The following ZNF610 variants were observed in gnomAD, a reference collection of about 807,000 sequenced individuals.
ZNF610 encodes zink finger protein.
ZNF610 carries 14 observed loss-of-function variants against 14.1 expected under a neutral mutation model. That is an observed-to-expected ratio of 0.99 (90% confidence interval 0.65 to 1.55). ZNF610 has a LOEUF of 1.55. Ranked by LOEUF, ZNF610 falls within the 40% of genes most tolerant of loss-of-function variation. ZNF610 has a pLI of 0.00. For synonymous variants in ZNF610, 185 were observed against 187.6 expected (o/e 0.99, Z 0.11); for missense variants, 530 against 558.0 (o/e 0.95, Z 0.51).
chr19:52,349,349 C>T (rs757404438), intron 3 of ZNF610, 114 bp downstream of exon 3: 6 of 1,372,348 alleles, frequency 4.4e-6, no homozygotes, highest in Non-Finnish European at 6.2e-6. Flanking sequence ...TCCCTTTCAT[C>T]TCGCTTAGAT....
intron 1 of ZNF610, among the ~76,000 whole-genome samples, chr19:52,340,508 G>T (rs1984635913): frequency 2.0e-5 from 3 of 152,106 alleles, no homozygotes; most frequent in Admixed American, 2.0e-4. Context: ...TGGCCCACCA[G>T]TCTCAGGGCC....
Position 52,366,699 on chromosome 19 carries a change from C to A in ZNF610, c.1321C>A (p.Pro441Thr). The A allele has an allele frequency of 6.2e-7, 1 of 1,614,224 alleles. No homozygotes were observed. The highest frequency in any genetic ancestry group is 1.3e-5 in the African/African-American group (1 of 75,062). ...NACGKVFNQN[P>T]HLSRHRKIHA... ...ATGTGGCAAGGTCTTCAATCAAAAT[C>A]CACACCTTTCACGACATCGGAAAAT... Residue 441 changes from proline (P) to threonine (T), a missense_variant, in exon 6 of 6, where the codon CCA becomes ACA. Physicochemically the swap from Pro to Thr is conservative, Grantham distance 38. Coordinates refer to ENST00000403906, the MANE Select transcript of ZNF610 (RefSeq NM_001161425.2).
chr19:52,334,936 A>AACACACACTCACACACACACACACAC (rs1984300625), upstream of ZNF610, among the ~76,000 whole-genome samples: 1 of 41,536 alleles, frequency 2.4e-5, no homozygotes, highest in African/African-American at 9.8e-5. Context: ...CTCAAAAACA[A>AACACACACTCACACACACACACACAC]ACACACACAC....
chr19:52,336,090 G>T (rs1219034414), upstream of ZNF610, among the ~76,000 whole-genome samples: 2 of 152,124 alleles, frequency 1.3e-5, no homozygotes, highest in African/African-American at 4.8e-5. Flanking sequence ...ACGTTGCTTT[G>T]CTCCGGCAGG....
At chr19:52,348,596 C>T (rs1985079820) in intron 2 of ZNF610, among the ~76,000 whole-genome samples, 2 of 152,124 alleles carry the variant, frequency 1.3e-5, no homozygotes, top group South Asian at 4.1e-4. Context: ...CAGTATTCCC[C>T]AAGCACGTGA....
intron 1 of ZNF610, among the ~76,000 whole-genome samples, chr19:52,344,321 C>T (rs1259905568): frequency 6.4e-5 from 2 of 31,210 alleles, no homozygotes; most frequent in Non-Finnish European, 1.6e-4. Context: ...ATTCTGTGAC[C>T]CCCCCATAGC....
the ZNF610 span, among the ~76,000 whole-genome samples, chr19:52,330,758 A>G: frequency 6.6e-6 from 1 of 152,138 alleles, no homozygotes; most frequent in Admixed American, 6.5e-5. Context: ...CTCAAAATCT[A>G]ACTTTTTCCT....
At chr19:52,364,626 G>A (rs755421596) in intron 5 of ZNF610, among the ~76,000 whole-genome samples, 5 of 152,196 alleles carry the variant, frequency 3.3e-5, no homozygotes, top group Non-Finnish European at 7.3e-5. Flanking sequence ...GCTGTGGCGC[G>A]ATCTTGGCTC....
chr19:52,343,441 G>A (rs1426234593), intron 1 of ZNF610, among the ~76,000 whole-genome samples: 2 of 151,752 alleles, frequency 1.3e-5, no homozygotes, highest in Non-Finnish European at 1.5e-5. Flanking sequence ...GGTGGCAGGC[G>A]CCTGTAATCC....
rs1986009061 is a variant in ZNF610 at position 52,365,955 on chromosome 19, G to T, written c.577G>T (p.Glu193Ter). ...LIDFPLLPQE[E>*]KAYIRGKSYE... ...TGATTTCCCATTACTCCCACAAGAA[G>T]AGAAAGCATACATTAGAGGAAAATC... The change falls in exon 6 of 6, where the codon GAG becomes TAG. Residue 193 changes from glutamate (E) to a stop codon, truncating the protein, a stop_gained. Transcript: ENST00000403906. LOFTEE classifies it low-confidence loss of function (END_TRUNC). The T allele has an allele frequency of 2.5e-6, 4 of 1,613,788 alleles. No individual in the cohort carries two copies. Among genetic ancestry groups the T allele is most frequent in the Non-Finnish European group, 3.4e-6 (4 of 1,179,992 alleles).
intron 2 of ZNF610, among the ~76,000 whole-genome samples, chr19:52,348,677 A>C (rs953353973): frequency 2.1e-4 from 32 of 152,196 alleles, no homozygotes; most frequent in African/African-American, 7.7e-4. Flanking sequence ...GAGTAAATAG[A>C]GGTCAGTACT....
At chr19:52,343,698 A>G (rs921225365) in intron 1 of ZNF610, among the ~76,000 whole-genome samples, 1 of 152,194 alleles carries the variant, frequency 6.6e-6, no homozygotes, top group African/African-American at 2.4e-5. Flanking sequence ...GACCCGCAAG[A>G]ACAGGTCATG....
At chr19:52,350,159 A>T (rs866081550) in intron 3 of ZNF610, among the ~76,000 whole-genome samples, 1 of 152,248 alleles carries the variant, frequency 6.6e-6, no homozygotes, top group Middle Eastern at 3.4e-3. Context: ...AGAGGTGGAA[A>T]TTATATTCAT....
intron 1 of ZNF610, among the ~76,000 whole-genome samples, chr19:52,346,880 C>A (rs373262139): frequency 2.6e-5 from 4 of 152,066 alleles, no homozygotes; most frequent in Admixed American, 2.0e-4. Flanking sequence ...CAAGCCTGTG[C>A]CACCACTCCG....
At chr19:52,339,879 G>A (rs1984590368) in intron 1 of ZNF610, among the ~76,000 whole-genome samples, 1 of 152,136 alleles carries the variant, frequency 6.6e-6, no homozygotes, top group South Asian at 2.1e-4. Flanking sequence ...GGCTGGTCTT[G>A]AACTCCCGAC....
At chr19:52,361,698 G>A (rs2122281945) in intron 5 of ZNF610, among the ~76,000 whole-genome samples, 1 of 152,004 alleles carries the variant, frequency 6.6e-6, no homozygotes, top group African/African-American at 2.4e-5. Context: ...GAGCTCAAGT[G>A]ATCCTCCCGC....
chr19:52,354,212 A>G (rs373090552), intron 4 of ZNF610, 39 bp from the exon 5 acceptor site: 67 of 1,607,250 alleles, frequency 4.2e-5, no homozygotes, highest in Middle Eastern at 3.4e-4. Context: ...GGTTTTGGAA[A>G]TGCCCCAGCA....
In ZNF610 at chr19:52,365,866, C is replaced by A; in HGVS notation, c.488C>A (p.Pro163Gln). Residue 163 changes from proline to glutamine, a missense_variant, in exon 6 of 6, where the codon CCA becomes CAA. Transcript: ENST00000403906. Reference sequence around the variant, plus strand: ...ACAAACCATCGTTCCTCAGTTTCACCACTTCAAAAAATTTCTTCTAGTTTC... The same window carrying A: ...ACAAACCATCGTTCCTCAGTTTCACAACTTCAAAAAATTTCTTCTAGTTTC... ...KFTNHRSSVS[P>Q]LQKISSSFTT... The A allele has an allele frequency of 6.2e-7, 1 of 1,613,374 alleles. No homozygotes were observed. The highest frequency in any genetic ancestry group is 8.5e-7 in the Non-Finnish European group (1 of 1,179,828).
intron 3 of ZNF610, among the ~76,000 whole-genome samples, chr19:52,351,148 T>C (rs1985230855): frequency 6.6e-6 from 1 of 151,820 alleles, no homozygotes; most frequent in Non-Finnish European, 1.5e-5. Context: ...CATGTGAACG[T>C]TCTCTGAATT....
Sources: gnomAD v4.1 joint callset for allele counts (sites outside exome capture counted in the v4.1 genomes callset) on GRCh38, gnomAD v4.1.1 for gene constraint, MANE v1.5 for transcripts, NCBI Gene and HGNC (gene_info 2026-07-23, HGNC 2026-07-21) for gene names.